Variants in CLN5 observed in about 807,000 individuals in gnomAD.
The protein encoded by CLN5 is CLN5 lysosomal BMP synthase.
CLN5 carries 34 observed loss-of-function variants against 36.7 expected under a neutral mutation model. That is an observed-to-expected ratio of 0.93 (90% CI 0.71 to 1.23). The LOEUF (loss-of-function observed/expected upper bound fraction) is 1.23. CLN5 is among the 50% of genes most tolerant of loss of function. The probability of loss-of-function intolerance (pLI) is 0.00; values close to 1 mark genes in which losing one functional copy is unlikely to be tolerated. For synonymous variants in CLN5, 151 were observed against 155.1 expected (o/e 0.97, Z 0.20); for missense variants, 427 against 439.4 (o/e 0.97, Z 0.25).
Position 77,002,804 on chromosome 13 carries a change from C to T in CLN5, c.*1835C>T, listed in dbSNP as rs1245923186. The T allele has an allele frequency of 6.6e-6, 1 of 152,130 alleles. No individual in the cohort carries two copies. The highest frequency in any genetic ancestry group is 1.5e-5 in the Non-Finnish European group (1 of 68,012). 9.4% of individuals were successfully genotyped at this position (152,130 alleles called of 1,614,324 possible). On this transcript the variant is annotated 3_prime_UTR_variant, in exon 4 of 4. Coordinates refer to ENST00000377453, the MANE Select transcript of CLN5 (RefSeq NM_006493.4). Reference sequence around the variant, plus strand: ...CCATCTAGTGGCTAAACTCAGGCAACACGAACTTCTACCAAACTCAGGAAA... The same window carrying T: ...CCATCTAGTGGCTAAACTCAGGCAATACGAACTTCTACCAAACTCAGGAAA...
At position 77,000,644 on chromosome 13, in the gene CLN5, A is replaced by C. The variant is rs777477178; in HGVS notation, c.752A>C (p.Asn251Thr). The C allele has an allele frequency of 6.2e-7, 1 of 1,614,148 alleles. No homozygotes were observed. Among genetic ancestry groups the C allele is most frequent in the Non-Finnish European group, 8.5e-7 (1 of 1,179,996 alleles). ...GCTGAATTTGGAGCAGAGTTCAAGA[A>C]CATAGAAACCAACTATACAAGAATA... is the stretch of plus-strand genomic sequence containing the variant. ...KLAEFGAEFK[N>T]IETNYTRIFL... is the part of the protein sequence containing the mutation. The change falls in exon 4 of 4, where the codon AAC becomes ACC. Residue 251 changes from asparagine (N) to threonine (T), a missense_variant. Physicochemically the swap from Asn to Thr is moderately conservative, Grantham distance 65. Transcript: ENST00000377453.
chr13:76,995,462 G>C, intron 2 of CLN5: 1 of 545,286 alleles, frequency 1.8e-6, no homozygotes, highest in Non-Finnish European at 3.3e-6. Context: ...ACCAGCTCCT[G>C]TACCTAGCTC....
At chr13:76,992,319 GA>G in intron 1 of CLN5, 48 bp downstream of exon 1, 23 of 1,296,092 alleles carry the variant, frequency 1.8e-5, no homozygotes, top group Admixed American at 4.4e-5. Flanking sequence ...CGGCGTTGAC[GA>G]TGGGGGATGG....
Position 77,001,368 on chromosome 13 carries a change from A to T in CLN5, c.*399A>T, listed in dbSNP as rs563678767. On this transcript the variant is annotated 3_prime_UTR_variant, in exon 4 of 4. Coordinates refer to ENST00000377453, the MANE Select transcript of CLN5 (RefSeq NM_006493.4). ...TGGGAGCTCTTCTTTCTGATATGGCAGTTACACTTTTTCACTTAAGTGCTT... is the reference window on the plus strand; with the variant it reads ...TGGGAGCTCTTCTTTCTGATATGGCTGTTACACTTTTTCACTTAAGTGCTT... 6.1e-6 allele frequency: 1 copy of T among 165,212 alleles called. No individual in the cohort carries two copies. The highest frequency in any genetic ancestry group is 2.4e-5 in the African/African-American group (1 of 41,666). The allele number at this position is 165,212 out of a possible 1,614,324, so 10.2% of individuals were successfully genotyped here.
Position 77,004,360 on chromosome 13 carries a change from T to C in CLN5, c.*3391T>C, listed in dbSNP as rs1455042841. The C allele has an allele frequency of 6.6e-6, 1 of 152,256 alleles. No individual in the cohort carries two copies. The highest frequency in any genetic ancestry group is 6.5e-5 in the Admixed American group (1 of 15,290). The allele number at this position is 152,256 out of a possible 1,614,324, so 9.4% of individuals were successfully genotyped here. The stretch of plus-strand genomic sequence containing the variant: ...AGGCAAACAGGCTGGCCAAAGTGTT[T>C]CCAGCATCTTCGTCATATTTACCCT... On this transcript the variant is annotated 3_prime_UTR_variant, in exon 4 of 4. Coordinates refer to ENST00000377453, the MANE Select transcript of CLN5 (RefSeq NM_006493.4).
intron 1 of CLN5, 160 bp downstream of exon 1, chr13:76,992,431 G>A (rs771109180): frequency 5.5e-5 from 46 of 829,966 alleles, no homozygotes; most frequent in Non-Finnish European, 7.4e-5. Flanking sequence ...TGAGAGCAAA[G>A]TTGAGGACTG....
In CLN5 at chr13:77,001,346, G is replaced by C; in HGVS notation, c.*377G>C. On this transcript the variant is annotated 3_prime_UTR_variant, in exon 4 of 4. Coordinates refer to ENST00000377453, the MANE Select transcript of CLN5 (RefSeq NM_006493.4). ...ACATTCAGTGACATTTTCATGGTGGGAGCTCTTCTTTCTGATATGGCAGTT... is the reference window on the plus strand; with the variant it reads ...ACATTCAGTGACATTTTCATGGTGGCAGCTCTTCTTTCTGATATGGCAGTT... 1 of 164,526 alleles carries C rather than the reference G, an allele frequency of 6.1e-6. No homozygotes were observed. Among genetic ancestry groups the C allele is most frequent in the Middle Eastern group, 3.1e-3 (1 of 324 alleles). The allele number at this position is 164,526 out of a possible 1,614,324, so 10.2% of individuals were successfully genotyped here.
rs1323252400 is a variant in CLN5 at position 77,003,465 on chromosome 13, A to C, written c.*2496A>C. 1 of 152,232 alleles carries C rather than the reference A, an allele frequency of 6.6e-6. No homozygotes were observed. The highest frequency in any genetic ancestry group is 1.5e-5 in the Non-Finnish European group (1 of 68,040). The allele number at this position is 152,232 out of a possible 1,614,324, so 9.4% of individuals were successfully genotyped here. On this transcript the variant is annotated 3_prime_UTR_variant, in exon 4 of 4. Transcript: ENST00000377453. ...TAAACCTGTCAGCTCTACTTACAAG[A>C]TGTAGAGCTTTCAGGTGAAGATGAT...
chr13:76,996,183 A>T, intron 3 of CLN5, 56 bp downstream of exon 3: 1 of 1,323,728 alleles, frequency 7.6e-7, no homozygotes, highest in Admixed American at 1.7e-5. Context: ...CAAATGAAAG[A>T]AATTGTTATA....
chr13:76,993,174 A>C (rs1365291348), intron 1 of CLN5: 1 of 152,240 alleles, frequency 6.6e-6, no homozygotes, highest in Non-Finnish European at 1.5e-5. Context: ...TGCGGGTCAA[A>C]TCTGGCTCTG....
At position 77,000,756 on chromosome 13, in the gene CLN5, A is replaced by G. The variant is rs1375890703; in HGVS notation, c.864A>G (p.Ile288Met). The change falls in exon 4 of 4, where the codon ATA becomes ATG. Residue 288 changes from isoleucine (I) to methionine (M), a missense_variant. Transcript: ENST00000377453. ...GAAACAAGACTCTTGGTTTAGCCATAAAAAGATTTTATTACCCCTTCAAAC... is the reference window on the plus strand; with the variant it reads ...GAAACAAGACTCTTGGTTTAGCCATGAAAAGATTTTATTACCCCTTCAAAC... ...PTGNKTLGLA[I>M]KRFYYPFKPH... is the part of the protein sequence containing the mutation. The G allele has an allele frequency of 1.9e-6, 3 of 1,614,070 alleles. No homozygotes were observed. Among genetic ancestry groups the G allele is most frequent in the East Asian group, 2.2e-5 (1 of 44,874 alleles).
Position 76,992,216 on chromosome 13 carries a change from G to C in CLN5, c.118G>C (p.Gly40Arg), listed in dbSNP as rs748399349. 1 of 1,600,298 alleles carries C rather than the reference G, an allele frequency of 6.2e-7. No homozygotes were observed. Among genetic ancestry groups the C allele is most frequent in the Admixed American group, 1.7e-5 (1 of 59,272 alleles). The change falls in exon 1 of 4, where the codon GGC becomes CGC. Residue 40 changes from glycine to arginine, a missense_variant. By Grantham distance (125) the Gly-to-Arg change is moderately radical. Transcript: ENST00000377453. ...GCTGCTTTGGCTCGCGGTGGTTCCG[G>C]GCTGGTCCCGGGTCTCGGGCATCCC... Reference protein sequence around the residue: ...LALLWLAVVPGWSRVSGIPSR... With the variant: ...LALLWLAVVPRWSRVSGIPSR...
At chr13:76,993,453 A>G (rs369177739) in intron 1 of CLN5, 3 of 152,338 alleles carry the variant, frequency 2.0e-5, no homozygotes, top group African/African-American at 7.2e-5. Flanking sequence ...AAATGTTTGT[A>G]AGAAGTCAAA....
rs2034409834 is a variant in CLN5, at chr13:77,004,162, G to GA, written c.*3200dup. ...TATTGGTGGCTCCTTAAAAATTGGA[G>GA]AAAAAAATCAAGTCTTAGGAAGTCT... is the stretch of plus-strand genomic sequence containing the variant. On this transcript the variant is annotated 3_prime_UTR_variant, in exon 4 of 4. Transcript: ENST00000377453. 1 of 152,014 alleles carries GA rather than the reference G, an allele frequency of 6.6e-6. No individual in the cohort carries two copies. The highest frequency in any genetic ancestry group is 2.4e-5 in the African/African-American group (1 of 41,392). 9.4% of individuals were successfully genotyped at this position (152,014 alleles called of 1,614,324 possible).
In CLN5 at chr13:77,004,055, C is replaced by T. The variant is rs1438704114; in HGVS notation, c.*3086C>T. ...CACAAAATTAGTTAAGTAAGTATAC[C>T]CACAAAGTGTCATCTAATATATTGT... On this transcript the variant is annotated 3_prime_UTR_variant, in exon 4 of 4. Coordinates refer to ENST00000377453, the MANE Select transcript of CLN5 (RefSeq NM_006493.4). 6.6e-6 allele frequency: 1 copy of T among 152,052 alleles called. No homozygotes were observed. Among genetic ancestry groups the T allele is most frequent in the African/African-American group, 2.4e-5 (1 of 41,382 alleles). 9.4% of individuals were successfully genotyped at this position (152,052 alleles called of 1,614,324 possible). A position where few individuals can be genotyped will look rare whatever the true frequency, so the allele number is the denominator to read the frequency against.
intron 3 of CLN5, chr13:76,997,185 C>T (rs1291901508): frequency 1.3e-5 from 2 of 150,982 alleles, no homozygotes; most frequent in African/African-American, 4.9e-5. Context: ...TTATTCTTGT[C>T]GCTCAGGCTG....
chr13:76,995,229 G>A lies in CLN5; in HGVS notation c.339+1G>A. 2 of 1,613,794 alleles carry A rather than the reference G, an allele frequency of 1.2e-6. No individual in the cohort carries two copies. The highest frequency in any genetic ancestry group is 1.7e-6 in the Non-Finnish European group (2 of 1,179,754). On this transcript the variant is annotated splice_donor_variant, in intron 2 of 3. Coordinates refer to ENST00000377453, the MANE Select transcript of CLN5 (RefSeq NM_006493.4). LOFTEE classifies it high-confidence loss of function. ...ATATGGAGACCTCCTGGGACACTTG[G>A]TAAGGATGCATCTTGGTCTTATAAC...
At position 76,999,760 on chromosome 13, in the gene CLN5, GCTTTCCTTTTCT is replaced by G. The variant is rs2034327360; in HGVS notation, c.566-693_566-682del. The G allele has an allele frequency of 1.3e-5, 2 of 152,118 alleles. 1 individual carries two copies. The highest frequency in any genetic ancestry group is 4.8e-5 in the African/African-American group (2 of 41,398). The allele number at this position is 152,118 out of a possible 1,614,324, so 9.4% of individuals were successfully genotyped here. A position where few individuals can be genotyped will look rare whatever the true frequency, so the allele number is the denominator to read the frequency against. ...TTTCCTCTTTCGCAATTCTTTTTGTGCTTTCCTTTTCTCTTTTGCCTCTGAATCCAAGATTTG... is the reference window on the plus strand; with the variant it reads ...TTTCCTCTTTCGCAATTCTTTTTGTGCTTTTGCCTCTGAATCCAAGATTTG... On this transcript the variant is annotated intron_variant, in intron 3 of 3. Transcript: ENST00000377453.
At position 77,004,334 on chromosome 13, in the gene CLN5, A is replaced by C. The variant is rs1351726232; in HGVS notation, c.*3365A>C. ...CACACATGCTTTTTCCCTGTTCACA[A>C]AGGCAAACAGGCTGGCCAAAGTGTT... On this transcript the variant is annotated 3_prime_UTR_variant, in exon 4 of 4. Coordinates refer to ENST00000377453, the MANE Select transcript of CLN5 (RefSeq NM_006493.4). 6.6e-6 allele frequency: 1 copy of C among 152,186 alleles called. No individual in the cohort carries two copies. Among genetic ancestry groups the C allele is most frequent in the Admixed American group, 6.5e-5 (1 of 15,290 alleles). The allele number at this position is 152,186 out of a possible 1,614,324, so 9.4% of individuals were successfully genotyped here.
Sources: gnomAD v4.1 joint callset for allele counts on GRCh38, gnomAD v4.1.1 for gene constraint, MANE v1.5 for transcripts, NCBI Gene and HGNC (gene_info 2026-07-23, HGNC 2026-07-21) for gene names.